Variants in TCHP observed in about 807,000 individuals in gnomAD.
The protein encoded by TCHP is trichoplein keratin filament-binding protein.
A neutral mutation model predicts 88.7 loss-of-function variants in TCHP; 81 were observed. The observed-to-expected ratio is 0.91, with a 90% confidence interval of 0.76 to 1.10. The LOEUF (loss-of-function observed/expected upper bound fraction) is 1.10. Ranked by LOEUF, TCHP falls within the 50% of genes least tolerant of loss-of-function variation. TCHP has a pLI of 0.00. For missense variants in TCHP, 641 were observed against 632.1 expected, an observed-to-expected ratio of 1.01 and a Z score of -0.15; for synonymous variants, 232 against 232.5, an observed-to-expected ratio of 1.00 and a Z score of 0.02.
chr12:109,896,094 G>A (rs57707515), upstream of TCHP, among the ~76,000 whole-genome samples: 741 of 152,136 alleles, frequency 4.9e-3, 5 homozygotes, highest in African/African-American at 0.017. Flanking sequence ...CTACAGGCAC[G>A]CACTACCACA....
chr12:109,904,859 T>C (rs1870037727), intron 4 of TCHP, 66 bp downstream of exon 4: 1 of 1,456,470 alleles, frequency 6.9e-7, no homozygotes, highest in African/African-American at 1.4e-5. Context: ...ACACTTTTTT[T>C]TTTGAACACG....
chr12:109,903,046 C>A lies in TCHP; in HGVS notation c.20C>A (p.Pro7Gln). The change falls in exon 2 of 13, where the codon CCG (proline) becomes CAG (glutamine). Residue 7 changes from proline (P) to glutamine (Q), a missense_variant. Pro to Gln is a moderately conservative substitution (Grantham distance 76, BLOSUM62 -1). Transcript: ENST00000405876. The surrounding 1 kb of genome is among the most constrained non-coding windows in gnomAD (Gnocchi z 4.6). Reference sequence around the variant, plus strand: ...TCTCAGATGGCGCTCCCGACGCTGCCGTCCTACTGGTGCAGCCAGCAGCGC... The same window carrying A: ...TCTCAGATGGCGCTCCCGACGCTGCAGTCCTACTGGTGCAGCCAGCAGCGC... MALPTL[P>Q]SYWCSQQRLN... 1 of 1,608,228 alleles carries A rather than the reference C, an allele frequency of 6.2e-7. No homozygotes were observed. Among genetic ancestry groups the A allele is most frequent in the Admixed American group, 1.7e-5 (1 of 59,146 alleles).
intron 8 of TCHP, among the ~76,000 whole-genome samples, chr12:109,909,595 G>A (rs769306420): frequency 1.3e-5 from 2 of 152,194 alleles, no homozygotes; most frequent in African/African-American, 2.4e-5. Context: ...CAAGGCAGGC[G>A]GATCACCTGA....
chr12:109,907,640 A>T lies in TCHP; in HGVS notation c.640A>T (p.Lys214Ter), dbSNP rs1271484968. 3.1e-6 allele frequency: 5 copies of T among 1,614,048 alleles called. No homozygotes were observed. The East Asian group carries it at 1.1e-4, about 36-fold the overall frequency. The change falls in exon 6 of 13, where the codon AAG becomes TAG. Residue 214 changes from lysine to a stop codon, truncating the protein, a stop_gained. Transcript: ENST00000405876. LOFTEE classifies it high-confidence loss of function. ...AGAGGAGAGGAGGCAGCTGGAGGAC[A>T]AGCTCCAGGCCGAGGCACTGCTGCA... ...AEEERRQLED[K>*]LQAEALLQQM...
intron 11 of TCHP, 136 bp from the exon 12 acceptor site, chr12:109,915,267 C>G (rs575936697): frequency 2.7e-5 from 33 of 1,200,728 alleles, no homozygotes; most frequent in Non-Finnish European, 3.8e-5. Context: ...CCCTTCCGTT[C>G]CTTGGCACGT....
intron 11 of TCHP, 60 bp downstream of exon 11, chr12:109,914,687 G>C: frequency 6.8e-7 from 1 of 1,474,730 alleles, no homozygotes. Flanking sequence ...CATCATCATG[G>C]GACAGGGTTC....
chr12:109,906,825 G>C (rs555602054), intron 5 of TCHP, among the ~76,000 whole-genome samples, 185 bp downstream of exon 5: 96 of 152,316 alleles, frequency 6.3e-4, no homozygotes, highest in Non-Finnish European at 1.2e-3. Flanking sequence ...AATCCTATGT[G>C]ATAATTCCCA....
the TCHP span, among the ~76,000 whole-genome samples, chr12:109,887,554 T>A: frequency 6.6e-6 from 1 of 152,304 alleles, no homozygotes; most frequent in South Asian, 2.1e-4. Context: ...GGTGTTCTCC[T>A]TGTTTTTTCC....
At chr12:109,906,762 C>G (rs1186984891) in intron 5 of TCHP, 122 bp downstream of exon 5, 7 of 735,976 alleles carry the variant, frequency 9.5e-6, no homozygotes, top group Non-Finnish European at 1.6e-5. Context: ...GTACTCTTTT[C>G]TTAGTTTACT....
chr12:109,901,716 C>T (rs543216817), intron 1 of TCHP, among the ~76,000 whole-genome samples: 2 of 152,288 alleles, frequency 1.3e-5, no homozygotes, highest in Admixed American at 6.5e-5. Context: ...TTCTCTGTGA[C>T]TCTTTGTCCT....
upstream of TCHP, among the ~76,000 whole-genome samples, chr12:109,895,989 C>T (rs1054943477): frequency 6.6e-6 from 1 of 152,136 alleles, no homozygotes; most frequent in South Asian, 2.1e-4. Flanking sequence ...CTCTGTTGCC[C>T]AGGTTGGAGT....
At chr12:109,913,575 C>G (rs765252941) in intron 10 of TCHP, among the ~76,000 whole-genome samples, 1 of 152,202 alleles carries the variant, frequency 6.6e-6, no homozygotes, top group Non-Finnish European at 1.5e-5. Context: ...CACGTTTCCC[C>G]CCTCGGGGTA....
intron 8 of TCHP, among the ~76,000 whole-genome samples, chr12:109,910,200 G>C (rs1311220982): frequency 2.0e-5 from 3 of 152,210 alleles, no homozygotes; most frequent in African/African-American, 4.8e-5. Context: ...TAGCTCCTTT[G>C]TATTCCTAAG....
chr12:109,894,786 A>AT, the TCHP span, among the ~76,000 whole-genome samples: 1 of 151,710 alleles, frequency 6.6e-6, no homozygotes, highest in Non-Finnish European at 1.5e-5. Flanking sequence ...AAAAAAAAAA[A>AT]AAGACTTTGT....
chr12:109,913,109 G>A, intron 10 of TCHP, 37 bp downstream of exon 10: 5 of 1,603,382 alleles, frequency 3.1e-6, no homozygotes, highest in Non-Finnish European at 4.3e-6. Flanking sequence ...CGGCTGTTGG[G>A]TCTTGGGCAG....
At chr12:109,916,152 T>C (rs187219466) in intron 12 of TCHP, among the ~76,000 whole-genome samples, 138 of 152,382 alleles carry the variant, frequency 9.1e-4, no homozygotes, top group African/African-American at 3.1e-3. Context: ...AGGGCCACCC[T>C]GGCCACCCGG....
intron 8 of TCHP, among the ~76,000 whole-genome samples, chr12:109,910,708 G>A (rs1162549972): frequency 2.0e-5 from 3 of 152,192 alleles, no homozygotes; most frequent in African/African-American, 7.2e-5. Context: ...AAGCTGCAAC[G>A]AGTGTTTTGC....
At chr12:109,912,472 G>A (rs913039340) in intron 9 of TCHP, among the ~76,000 whole-genome samples, 1 of 152,180 alleles carries the variant, frequency 6.6e-6, no homozygotes, top group Non-Finnish European at 1.5e-5. Context: ...ATAAGGAGAT[G>A]GGGTATTAAA....
the TCHP span, among the ~76,000 whole-genome samples, chr12:109,882,424 C>T: frequency 3.0e-4 from 40 of 134,160 alleles, no homozygotes; most frequent in Non-Finnish European, 5.7e-4. Flanking sequence ...AGCGAGACTC[C>T]GTCTAAAAAA....
Sources: allele counts gnomAD v4.1 joint callset (sites outside exome capture counted in the v4.1 genomes callset), GRCh38; gene constraint gnomAD v4.1.1; non-coding constraint Gnocchi (gnomAD v3.1); transcripts MANE v1.5; gene names NCBI Gene and HGNC (gene_info 2026-07-23, HGNC 2026-07-21).